The following GRAMD1C variants were observed in gnomAD, a reference collection of about 807,000 sequenced individuals.
GRAMD1C encodes the protein protein Aster-C.
GRAMD1C carries 89 observed loss-of-function variants against 97.8 expected under a neutral mutation model. The ratio of observed to expected loss-of-function variants is 0.91; its 90% CI spans 0.77 to 1.09. The LOEUF (loss-of-function observed/expected upper bound fraction) is 1.09, where lower values mean the gene tolerates loss of function less well. Among genes scored for constraint, GRAMD1C ranks in the 50% least tolerant of loss-of-function variants. The pLI is 0.00. For synonymous variants in GRAMD1C, 256 were observed against 267.0 expected (o/e 0.96, Z 0.40); for missense variants, 740 against 766.4 (o/e 0.97, Z 0.41).
intron 6 of GRAMD1C, among the ~76,000 whole-genome samples, chr3:113,899,668 TG>T (rs1936082762): frequency 6.6e-6 from 1 of 152,234 alleles, no homozygotes; most frequent in Non-Finnish European, 1.5e-5. Flanking sequence ...CTATCTGTAA[TG>T]TTTTTAGACA....
At chr3:113,886,303 C>T (rs1489674965) in intron 6 of GRAMD1C, among the ~76,000 whole-genome samples, 3 of 152,114 alleles carry the variant, frequency 2.0e-5, no homozygotes, top group Admixed American at 6.5e-5. Context: ...CTAGGGGAGC[C>T]GAATCAGTGT....
chr3:113,871,823 C>A (rs989559080), intron 3 of GRAMD1C, among the ~76,000 whole-genome samples: 7 of 150,350 alleles, frequency 4.7e-5, no homozygotes, highest in Non-Finnish European at 1.5e-5. Context: ...CACCTGTAGT[C>A]CCAGCTACTT....
At chr3:113,875,447 T>C (rs777516131) in intron 3 of GRAMD1C, 37 bp from the exon 4 acceptor site, 1 of 878,444 alleles carries the variant, frequency 1.1e-6, no homozygotes, top group East Asian at 2.4e-5. Context: ...TTCTCAGATT[T>C]TCGTGAATAA....
chr3:113,909,168 A>G, intron 9 of GRAMD1C, 48 bp downstream of exon 9: 11 of 1,006,288 alleles, frequency 1.1e-5, no homozygotes, highest in African/African-American at 1.7e-5. Flanking sequence ...ATGTCTTTTT[A>G]TGTTTATCTT....
intron 6 of GRAMD1C, among the ~76,000 whole-genome samples, chr3:113,899,083 G>A (rs1359406117): frequency 6.6e-6 from 1 of 152,058 alleles, no homozygotes; most frequent in Non-Finnish European, 1.5e-5. Flanking sequence ...CCCTGGGGAG[G>A]AATTCAAGGC....
intron 10 of GRAMD1C, among the ~76,000 whole-genome samples, chr3:113,923,871 A>C (rs897572213): frequency 3.9e-5 from 6 of 152,072 alleles, no homozygotes; most frequent in Non-Finnish European, 7.4e-5. Flanking sequence ...TCTTCTTTAC[A>C]TGTCTGGTAG....
At chr3:113,858,354 TCCCAAGTAGCTGGGATTA>T (rs1934230928) in intron 2 of GRAMD1C, among the ~76,000 whole-genome samples, 1 of 146,688 alleles carries the variant, frequency 6.8e-6, no homozygotes, top group South Asian at 2.2e-4. Flanking sequence ...TGCCTCAGCC[TCCCAAGTAGCTGGGATTA>T]CAGGCATGTA....
intron 10 of GRAMD1C, among the ~76,000 whole-genome samples, chr3:113,926,476 A>G (rs1331238222): frequency 1.3e-5 from 2 of 152,290 alleles, no homozygotes; most frequent in East Asian, 1.9e-4. Flanking sequence ...CTGAATTTCA[A>G]TGATTTTCAT....
intron 1 of GRAMD1C, among the ~76,000 whole-genome samples, chr3:113,839,389 CTTAT>C (rs1160381205): frequency 6.6e-6 from 1 of 152,170 alleles, no homozygotes; most frequent in Non-Finnish European, 1.5e-5. Context: ...TGTTTACTAC[CTTAT>C]TTGACAAAAC....
rs952368410 is a variant in GRAMD1C at position 113,934,895 on chromosome 3, C to T, written c.1456+360C>T. Among the ~76,000 whole-genome samples the T allele has an allele frequency of 3.3e-5, 5 of 152,200 alleles. No homozygotes were observed. The East Asian group carries it at 5.8e-4, about 18-fold the overall frequency. The stretch of plus-strand genomic sequence containing the variant: ...AGTAGCTGGGACTACAGGCGTGTGC[C>T]ACCACACCCGGCTAATTTTTGTATT... On this transcript the variant is annotated intron_variant, in intron 13 of 17. Coordinates refer to ENST00000358160, the MANE Select transcript of GRAMD1C (RefSeq NM_017577.5).
In GRAMD1C at chr3:113,909,108, T is replaced by C. The variant is rs770817258; in HGVS notation, c.940T>C (p.Ser314Pro). ...LSLDKSSTSD[S>P]VDEENVPEKD... ...TCTGGACAAAAGCAGCACTTCAGATTCTGTTGATGAAGGTAAATAATTTCT... is the reference window on the plus strand; with the variant it reads ...TCTGGACAAAAGCAGCACTTCAGATCCTGTTGATGAAGGTAAATAATTTCT... The change falls in exon 9 of 18, where the codon TCT becomes CCT. Residue 314 changes from serine (S) to proline (P), a missense_variant. Physicochemically the swap from Ser to Pro is moderately conservative, Grantham distance 74. Transcript: ENST00000358160. 6 of 1,501,164 alleles carry C rather than the reference T, an allele frequency of 4.0e-6. No homozygotes were observed. The highest frequency in any genetic ancestry group is 2.4e-5 in the Admixed American group (1 of 40,938). 93.0% of individuals were successfully genotyped at this position (1,501,164 alleles called of 1,614,324 possible).
At chr3:113,936,182 A>G (rs1042667406) in intron 13 of GRAMD1C, 84 bp from the exon 14 acceptor site, 1 of 746,112 alleles carries the variant, frequency 1.3e-6, no homozygotes, top group Non-Finnish European at 2.1e-6. Context: ...AAAGAAAATT[A>G]TCAAAAATAA....
intron 6 of GRAMD1C, chr3:113,897,479 A>T (rs574295772): frequency 1.0e-6 from 1 of 967,648 alleles, no homozygotes; most frequent in East Asian, 1.1e-4. Context: ...CTGTAGAGTG[A>T]GGTATAACTT....
upstream of GRAMD1C, among the ~76,000 whole-genome samples, chr3:113,836,530 C>CT (rs33997794): frequency 0.68 from 100,695 of 147,430 alleles, 34,583 homozygotes; most frequent in South Asian, 0.78. Flanking sequence ...CTCCTAAATA[C>CT]TTTTTTTTTT....
rs563361305 is a variant in GRAMD1C at position 113,899,868 on chromosome 3, C to T, written c.541-1163C>T. On this transcript the variant is annotated intron_variant, in intron 6 of 17. Transcript: ENST00000358160. Reference sequence around the variant, plus strand: ...AAGCTGGACTTTATTAAAGATAAATCAAAGGAAAAATTCTGAAGTCCAGAC... The same window carrying T: ...AAGCTGGACTTTATTAAAGATAAATTAAAGGAAAAATTCTGAAGTCCAGAC... Among the ~76,000 whole-genome samples, 504 of 152,026 alleles carry T rather than the reference C, an allele frequency of 3.3e-3. 4 individuals carry two copies. Among genetic ancestry groups the T allele is most frequent in the African/African-American group, 0.012 (477 of 41,450 alleles).
intron 10 of GRAMD1C, among the ~76,000 whole-genome samples, chr3:113,923,419 C>A (rs1937130802): frequency 6.6e-6 from 1 of 152,082 alleles, no homozygotes; most frequent in South Asian, 2.1e-4. Context: ...ATAGGTGACT[C>A]TTATTATTTT....
At chr3:113,869,379 T>A in intron 2 of GRAMD1C, 128 bp from the exon 3 acceptor site, 1 of 601,908 alleles carries the variant, frequency 1.7e-6, no homozygotes, top group Non-Finnish European at 2.9e-6. Context: ...GTTTTTGAAA[T>A]GTTTATTTAT....
In GRAMD1C at chr3:113,940,255, G is replaced by C. The variant is rs902444147; in HGVS notation, c.1818G>C (p.Met606Ile). The C allele has an allele frequency of 3.1e-6, 5 of 1,595,150 alleles. No homozygotes were observed. In the African/African-American group the frequency reaches 5.4e-5, roughly 17 times the overall value. Residue 606 changes from methionine to isoleucine, a missense_variant, in exon 17 of 18, where the codon ATG (methionine) becomes ATC (isoleucine). By Grantham distance (10) the Met-to-Ile change is conservative. Coordinates refer to ENST00000358160, the MANE Select transcript of GRAMD1C (RefSeq NM_017577.5). ...TTTCTTTCAGTTTAGCCTCTGATAT[G>C]GTGTCAAGAGCAGAAACTATTCAGA... ...EEKSLNLASD[M>I]VSRAETIQKN...
At chr3:113,879,433 C>CA (rs907737886) in intron 5 of GRAMD1C, among the ~76,000 whole-genome samples, 1 of 152,108 alleles carries the variant, frequency 6.6e-6, no homozygotes, top group Non-Finnish European at 1.5e-5. Flanking sequence ...ACGCCACCCT[C>CA]ACCTGCTCTG....
Sources: gnomAD v4.1 joint callset for allele counts (sites outside exome capture counted in the v4.1 genomes callset) on GRCh38, gnomAD v4.1.1 for gene constraint, MANE v1.5 for transcripts, NCBI Gene and HGNC (gene_info 2026-07-23, HGNC 2026-07-21) for gene names.